CYSLTR1: variants seen among roughly 807,000 people sequenced by gnomAD.
CYSLTR1 encodes G-protein coupled receptor HG55.
Under a neutral mutation model 2.1 loss-of-function variants are expected in CYSLTR1, and 1 was observed. The ratio of observed to expected loss-of-function variants is 0.48; its 90% CI spans 0.17 to 2.28. The LOEUF (loss-of-function observed/expected upper bound fraction) is 2.28, where lower values mean the gene tolerates loss of function less well. Ranked by LOEUF, CYSLTR1 falls within the 30% of genes most tolerant of loss-of-function variation. The pLI, the probability that CYSLTR1 is intolerant of heterozygous loss-of-function variation, is 0.26. For synonymous variants in CYSLTR1, 110 were observed against 89.6 expected (o/e 1.23, Z -1.28); for missense variants, 299 against 250.1 (o/e 1.20, Z -1.32).
Position 78,273,707 on chromosome X carries a change from A to G in CYSLTR1, c.40T>C (p.Cys14Arg). 6 of 1,205,117 alleles carry G rather than the reference A, an allele frequency of 5.0e-6. No homozygotes were observed. The highest frequency in any genetic ancestry group is 5.6e-6 in the Non-Finnish European group (5 of 890,337). The stretch of plus-strand genomic sequence containing the variant: ...CGGAAGTCATCAATAGTGTCATGGC[A>G]TGTGGCAGAAGATACTGTCAGATTT... ...TGNLTVSSAT[C>R]HDTIDDFRNQ... The change falls in exon 3 of 3, where the codon TGC becomes CGC. Residue 14 changes from cysteine (C) to arginine (R), a missense_variant. Coordinates refer to ENST00000373304, the MANE Select transcript of CYSLTR1 (RefSeq NM_006639.4).
chrX:78,292,535 G>A lies in CYSLTR1; in HGVS notation c.-114-8995C>T, dbSNP rs760189356. Reference sequence around the variant, plus strand: ...TCCTGGATATCCTTGTTAACATTCTGTCTCATTGATCTGTCTAATATTGAC... The same window carrying A: ...TCCTGGATATCCTTGTTAACATTCTATCTCATTGATCTGTCTAATATTGAC... On this transcript the variant is annotated intron_variant, in intron 1 of 2. Coordinates refer to ENST00000373304, the MANE Select transcript of CYSLTR1 (RefSeq NM_006639.4). 5.4e-5 allele frequency among the ~76,000 whole-genome samples: 6 copies of A among 111,723 alleles called. No homozygotes were observed. The South Asian group carries it at 1.9e-3, about 35-fold the overall frequency.
chrX:78,279,595 G>T (rs1921746209), intron 2 of CYSLTR1, among the ~76,000 whole-genome samples: 1 of 111,994 alleles, frequency 8.9e-6, no homozygotes, highest in African/African-American at 3.2e-5. Flanking sequence ...CCCATTACTG[G>T]GTAAATACCC....
chrX:78,277,150 C>G (rs781201136), intron 2 of CYSLTR1, among the ~76,000 whole-genome samples: 1 of 111,127 alleles, frequency 9.0e-6, no homozygotes, highest in Non-Finnish European at 1.9e-5. Context: ...CCCCAAGGAT[C>G]GCCATACTCC....
intron 2 of CYSLTR1, among the ~76,000 whole-genome samples, chrX:78,282,920 C>T (rs1436776293): frequency 1.8e-5 from 2 of 111,730 alleles, no homozygotes. Context: ...TCCTTGCAGA[C>T]CAAAATAAAC....
chrX:78,285,654 A>T (rs900708859), intron 1 of CYSLTR1, among the ~76,000 whole-genome samples: 3 of 112,139 alleles, frequency 2.7e-5, no homozygotes, highest in Non-Finnish European at 5.6e-5. Context: ...GTGGCTGTGC[A>T]ATTACAATTT....
intron 1 of CYSLTR1, among the ~76,000 whole-genome samples, chrX:78,294,952 C>T (rs1358571041): frequency 1.2e-4 from 13 of 112,437 alleles, no homozygotes; most frequent in Non-Finnish European, 2.3e-4. Flanking sequence ...GAGGTGACAA[C>T]CCGCCCCACT....
At chrX:78,296,990 T>C (rs1263223564) in intron 1 of CYSLTR1, among the ~76,000 whole-genome samples, 3 of 111,618 alleles carry the variant, frequency 2.7e-5, no homozygotes, top group Non-Finnish European at 5.7e-5. Context: ...GAAAGACTTT[T>C]AGTTTTTCCT....
chrX:78,272,469 G>A lies in CYSLTR1; in HGVS notation c.*264C>T, dbSNP rs1921307725. 4.6e-6 allele frequency: 1 copy of A among 217,819 alleles called. No homozygotes were observed. The highest frequency in any genetic ancestry group is 8.2e-6 in the Non-Finnish European group (1 of 121,970). The allele number at this position is 217,819 out of a possible 1,213,427, so 18.0% of individuals were successfully genotyped here. On this transcript the variant is annotated 3_prime_UTR_variant, in exon 3 of 3. Transcript: ENST00000373304. Reference sequence around the variant, plus strand: ...TTTAATATAAGACATATTTTATAGTGCAAAGATAAAAATATTCTCCAAATT... The same window carrying A: ...TTTAATATAAGACATATTTTATAGTACAAAGATAAAAATATTCTCCAAATT...
At chrX:78,278,987 G>A (rs926797745) in intron 2 of CYSLTR1, among the ~76,000 whole-genome samples, 2 of 111,895 alleles carry the variant, frequency 1.8e-5, no homozygotes, top group Non-Finnish European at 3.8e-5. Context: ...TTAAACATAA[G>A]ACCTAAAAGT....
chrX:78,319,846 C>A (rs1235002791), intron 1 of CYSLTR1: 1 of 112,026 alleles, frequency 8.9e-6, no homozygotes, highest in Non-Finnish European at 1.9e-5. Flanking sequence ...TTTTGATTTG[C>A]ATTTCTCTGA....
chrX:78,294,789 G>C, intron 1 of CYSLTR1, among the ~76,000 whole-genome samples: 1 of 112,839 alleles, frequency 8.9e-6, no homozygotes, highest in Non-Finnish European at 1.9e-5. Context: ...TGCCGAGCTA[G>C]GCACATGAGA....
Position 78,273,130 on chromosome X carries a change from A to C in CYSLTR1, c.617T>G (p.Ile206Ser), listed in dbSNP as rs28365142. 91 of 1,207,270 alleles carry C rather than the reference A, an allele frequency of 7.5e-5. No individual in the cohort carries two copies. In the African/African-American group the frequency reaches 1.4e-3, roughly 19 times the overall value. ...VGFIIPFVIIIVCYTMIILTL... is the reference protein window; with the variant it reads ...VGFIIPFVIISVCYTMIILTL... ...CAAAATGATCATTGTGTAACAGACA[A>C]TTATAATAACAAAAGGGATGATAAA... The change falls in exon 3 of 3, where the codon ATT (isoleucine) becomes AGT (serine). Residue 206 changes from isoleucine to serine, a missense_variant. Coordinates refer to ENST00000373304, the MANE Select transcript of CYSLTR1 (RefSeq NM_006639.4).
chrX:78,274,899 C>T (rs1332983424), intron 2 of CYSLTR1, among the ~76,000 whole-genome samples: 1 of 111,474 alleles, frequency 9.0e-6, no homozygotes, highest in Non-Finnish European at 1.9e-5. Context: ...ACAAACAACC[C>T]CATCAAAAAG....
At chrX:78,274,216 G>A (rs1921460974) in intron 2 of CYSLTR1, among the ~76,000 whole-genome samples, 1 of 111,100 alleles carries the variant, frequency 9.0e-6, no homozygotes, top group Non-Finnish European at 1.9e-5. Flanking sequence ...ATAAAATCTG[G>A]ATGAAAATCC....
At chrX:78,302,575 A>G (rs1290456783) in intron 1 of CYSLTR1, among the ~76,000 whole-genome samples, 1 of 111,240 alleles carries the variant, frequency 9.0e-6, no homozygotes, top group Non-Finnish European at 1.9e-5. Context: ...GGCCCTTGAC[A>G]TAGTAGCTGT....
intron 1 of CYSLTR1, among the ~76,000 whole-genome samples, chrX:78,289,619 C>A (rs1922228756): frequency 8.9e-6 from 1 of 111,911 alleles, no homozygotes; most frequent in South Asian, 3.7e-4. Flanking sequence ...TCCTCTCCAG[C>A]ATCTGTTGTT....
chrX:78,299,446 C>T (rs1377422625), intron 1 of CYSLTR1, among the ~76,000 whole-genome samples: 3 of 110,321 alleles, frequency 2.7e-5, no homozygotes, highest in Non-Finnish European at 5.7e-5. Context: ...TGAAGTAATC[C>T]CTTTAACAGT....
chrX:78,292,594 T>C (rs951187587), intron 1 of CYSLTR1, among the ~76,000 whole-genome samples: 4 of 111,498 alleles, frequency 3.6e-5, no homozygotes, highest in Non-Finnish European at 7.5e-5. Flanking sequence ...TATTATTGTG[T>C]GGCAGTCTAA....
chrX:78,280,409 G>A (rs762732140), intron 2 of CYSLTR1, among the ~76,000 whole-genome samples: 7 of 109,985 alleles, frequency 6.4e-5, no homozygotes, highest in South Asian at 3.9e-4. Context: ...TAGAAATTGC[G>A]TATTCTAAGT....
Sources: allele counts gnomAD v4.1 joint callset (sites outside exome capture counted in the v4.1 genomes callset), GRCh38; gene constraint gnomAD v4.1.1; transcripts MANE v1.5; gene names NCBI Gene and HGNC (gene_info 2026-07-23, HGNC 2026-07-21).